Variants in RBFOX1 observed in about 807,000 individuals in gnomAD.
The protein encoded by RBFOX1 is RNA binding protein fox-1 homolog 1.
Under a neutral mutation model 57.7 loss-of-function variants are expected in RBFOX1, and 8 were observed. That is an observed-to-expected ratio of 0.14 (90% CI 0.08 to 0.25). The LOEUF is 0.25. Ranked by LOEUF, RBFOX1 falls within the 10% of genes least tolerant of loss-of-function variation. The pLI is 1.00. For synonymous variants in RBFOX1, 326 were observed against 222.4 expected (o/e 1.47, Z -4.15); for missense variants, 611 against 548.5 (o/e 1.11, Z -1.14).
At chr16:5,816,319 C>A (rs1458264655) in intron 3 of RBFOX1, among the ~76,000 whole-genome samples, 3 of 152,144 alleles carry the variant, frequency 2.0e-5, no homozygotes, top group Admixed American at 6.5e-5. Flanking sequence ...CAGTACCCGT[C>A]AATTACAAAA....
At chr16:7,696,988 G>A (rs1051731095) in intron 14 of RBFOX1, among the ~76,000 whole-genome samples, 14 of 152,114 alleles carry the variant, frequency 9.2e-5, no homozygotes, top group Non-Finnish European at 4.4e-5. Flanking sequence ...ACATCTAGGA[G>A]GTAGACAGGG....
At chr16:6,224,222 T>G (rs2097399116) in intron 1 of RBFOX1, among the ~76,000 whole-genome samples, 1 of 151,398 alleles carries the variant, frequency 6.6e-6, no homozygotes, top group South Asian at 2.1e-4. Flanking sequence ...AAAGTAGTTA[T>G]TTTTTTCCAA....
chr16:7,643,016 C>T (rs960644835), intron 11 of RBFOX1, among the ~76,000 whole-genome samples: 1 of 152,212 alleles, frequency 6.6e-6, no homozygotes, highest in African/African-American at 2.4e-5. Context: ...ACACATTTAG[C>T]AGCCATGACA....
At chr16:7,620,404 A>T (rs747921083) in intron 10 of RBFOX1, among the ~76,000 whole-genome samples, 2 of 152,190 alleles carry the variant, frequency 1.3e-5, no homozygotes, top group African/African-American at 2.4e-5. Flanking sequence ...CAAAGCCTAC[A>T]CTTTTTCAGT....
intron 4 of RBFOX1, among the ~76,000 whole-genome samples, chr16:7,233,333 C>A (rs1023272241): frequency 1.1e-4 from 16 of 151,988 alleles, no homozygotes; most frequent in African/African-American, 3.9e-4. Flanking sequence ...ATTATCCCAG[C>A]TCTTCTATAT....
At chr16:6,808,925 TATG>T (rs2154264581) in intron 3 of RBFOX1, among the ~76,000 whole-genome samples, 1 of 152,298 alleles carries the variant, frequency 6.6e-6, no homozygotes, top group Admixed American at 6.5e-5. Flanking sequence ...GCAAACTAAA[TATG>T]TCCTGAGAAG....
chr16:6,696,390 G>A (rs2061052970), intron 3 of RBFOX1, among the ~76,000 whole-genome samples: 1 of 151,982 alleles, frequency 6.6e-6, no homozygotes, highest in South Asian at 2.1e-4. Context: ...GTTTTATATT[G>A]AAACCTCAAT....
intron 4 of RBFOX1, among the ~76,000 whole-genome samples, chr16:5,905,920 A>G (rs2058444943): frequency 6.6e-6 from 1 of 152,174 alleles, no homozygotes; most frequent in South Asian, 2.1e-4. Flanking sequence ...GATGGAGGAT[A>G]AGAAGGTTTT....
intron 3 of RBFOX1, among the ~76,000 whole-genome samples, chr16:6,937,329 A>G (rs1228961759): frequency 6.6e-6 from 1 of 152,066 alleles, no homozygotes; most frequent in Non-Finnish European, 1.5e-5. Context: ...CAACCACCCC[A>G]CATGCACAAT....
intron 1 of RBFOX1, among the ~76,000 whole-genome samples, chr16:5,360,614 A>T (rs28680980): frequency 0.39 from 58,628 of 152,036 alleles, 12,939 homozygotes; most frequent in Non-Finnish European, 0.49. Context: ...TGAGGGGGTA[A>T]AAATTAGAGT....
At chr16:7,194,927 C>CACA (rs1555553469) in intron 4 of RBFOX1, among the ~76,000 whole-genome samples, 20 of 18,734 alleles carry the variant, frequency 1.1e-3, no homozygotes, top group African/African-American at 4.2e-3. Context: ...GACCCTGTTT[C>CACA]ACAAAAAAAA....
chr16:6,104,814 G>C lies in RBFOX1; in HGVS notation c.-127+84822G>C, dbSNP rs79142173. Among the ~76,000 whole-genome samples the C allele has an allele frequency of 6.9e-3, 1,058 of 152,296 alleles. 14 individuals carry two copies. The highest frequency in any genetic ancestry group is 0.024 in the African/African-American group (1,001 of 41,554). On this transcript the variant is annotated intron_variant, in intron 1 of 15. Transcript: ENST00000550418. ...TCGGAAAACATTATGCACATATTAT[G>C]CAAAGTGAAGGAAGTGAGCTGCAAA...
chr16:7,233,796 C>G (rs561260371), intron 4 of RBFOX1, among the ~76,000 whole-genome samples: 60 of 152,268 alleles, frequency 3.9e-4, no homozygotes, highest in Middle Eastern at 3.4e-3. Context: ...AATTCTTGCT[C>G]TAGTTTATTG....
intron 1 of RBFOX1, among the ~76,000 whole-genome samples, chr16:6,105,497 G>A (rs576461100): frequency 6.6e-6 from 1 of 152,198 alleles, no homozygotes; most frequent in Admixed American, 6.5e-5. Context: ...CTAGAAAGAG[G>A]CATGCTGATG....
intron 4 of RBFOX1, among the ~76,000 whole-genome samples, chr16:7,515,826 G>C (rs960946312): frequency 6.6e-6 from 1 of 151,876 alleles, no homozygotes; most frequent in African/African-American, 2.4e-5. Flanking sequence ...TCCCCTTCAA[G>C]TGGCAGTTCG....
chr16:5,457,212 C>G (rs2068657049), intron 1 of RBFOX1, among the ~76,000 whole-genome samples: 1 of 152,176 alleles, frequency 6.6e-6, no homozygotes, highest in Admixed American at 6.5e-5. Flanking sequence ...TCTTGGCTCA[C>G]TGCAACCTCT....
intron 3 of RBFOX1, among the ~76,000 whole-genome samples, chr16:6,948,103 G>T (rs371080802): frequency 2.0e-5 from 3 of 151,932 alleles, no homozygotes; most frequent in Admixed American, 2.0e-4. Flanking sequence ...TTTCTTCTGC[G>T]GTTTGAGAAG....
chr16:7,420,960 C>CACATAT (rs1555886220), intron 4 of RBFOX1, among the ~76,000 whole-genome samples: 5 of 145,796 alleles, frequency 3.4e-5, no homozygotes, highest in African/African-American at 1.3e-4. Context: ...CACACACACA[C>CACATAT]ATATATATAT....
intron 3 of RBFOX1, among the ~76,000 whole-genome samples, chr16:6,992,566 T>A (rs1292848845): frequency 6.6e-6 from 1 of 152,040 alleles, no homozygotes; most frequent in Non-Finnish European, 1.5e-5. Flanking sequence ...CTTGGGTTCC[T>A]CAGTAGTCGT....
Sources: gnomAD v4.1 joint callset for allele counts (sites outside exome capture counted in the v4.1 genomes callset) on GRCh38, gnomAD v4.1.1 for gene constraint, MANE v1.5 for transcripts, NCBI Gene and HGNC (gene_info 2026-07-23, HGNC 2026-07-21) for gene names.